RAP1GAP2: variants seen among roughly 807,000 people sequenced by gnomAD.
RAP1GAP2 encodes RAP1 GTPase activating protein 2, also known as rap1 GTPase-activating protein 2.
In RAP1GAP2, 27 loss-of-function variants were observed where a neutral mutation model predicts 95.0. That is an observed-to-expected ratio of 0.28 (90% CI 0.21 to 0.39). The LOEUF (loss-of-function observed/expected upper bound fraction) is 0.39. Among genes scored for constraint, RAP1GAP2 ranks in the 10% least tolerant of loss-of-function variants. The probability of loss-of-function intolerance (pLI) is 1.00; values close to 1 mark genes in which losing one functional copy is unlikely to be tolerated. For missense variants in RAP1GAP2, 771 were observed against 970.0 expected (o/e 0.79, Z 2.72); for synonymous variants, 373 against 380.9 (o/e 0.98, Z 0.24).
chr17:2,772,855 CTTT>C (rs773565092), upstream of RAP1GAP2, among the ~76,000 whole-genome samples: 1,447 of 126,036 alleles, frequency 0.011, 20 homozygotes, highest in African/African-American at 0.037. Flanking sequence ...TTCTTTCTTT[CTTT>C]TTTTTTTTTT....
intron 2 of RAP1GAP2, among the ~76,000 whole-genome samples, chr17:2,889,887 A>ATTTTTTTTTTTTT (rs1183050009): frequency 7.7e-5 from 3 of 38,754 alleles, no homozygotes; most frequent in Non-Finnish European, 1.1e-4. Flanking sequence ...ATATATATAT[A>ATTTTTTTTTTTTT]TATTTTTTTT....
At chr17:2,820,449 C>G (rs954300822) in intron 2 of RAP1GAP2, among the ~76,000 whole-genome samples, 1 of 151,952 alleles carries the variant, frequency 6.6e-6, no homozygotes, top group Admixed American at 6.6e-5. Flanking sequence ...GGCAAAACCC[C>G]GTCTCTACTA....
chr17:2,892,792 A>T (rs1395127201), intron 2 of RAP1GAP2, among the ~76,000 whole-genome samples: 2 of 152,176 alleles, frequency 1.3e-5, no homozygotes, highest in Non-Finnish European at 2.9e-5. Context: ...AGACTGAGTC[A>T]CAGGGCCAGC....
In RAP1GAP2 at chr17:3,032,573, A is replaced by G. The variant is rs1328067910; in HGVS notation, c.*30+124A>G. 1.3e-5 allele frequency: 12 copies of G among 941,804 alleles called. No homozygotes were observed. In the African/African-American group the frequency reaches 1.8e-4, roughly 14 times the overall value. 58.3% of individuals were successfully genotyped at this position (941,804 alleles called of 1,614,324 possible). ...GATGCCGCCAGCTGGGGATGTCCAA[A>G]GAGTCTCCTACTCGCCCCTGAAGAC... is the stretch of plus-strand genomic sequence containing the variant. On this transcript the variant is annotated intron_variant, in intron 24 of 24. Transcript: ENST00000254695.
chr17:2,813,307 C>T (rs1372723525), intron 2 of RAP1GAP2, among the ~76,000 whole-genome samples: 1 of 152,056 alleles, frequency 6.6e-6, no homozygotes, highest in African/African-American at 2.4e-5. Flanking sequence ...GAACTCCTGA[C>T]CTCGTGATCT....
chr17:2,768,887 G>C (rs531708491), intron 1 of RAP1GAP2, among the ~76,000 whole-genome samples: 1 of 151,018 alleles, frequency 6.6e-6, no homozygotes, highest in Non-Finnish European at 1.5e-5. Context: ...CTTGACTGCT[G>C]ACTCCTGACC....
rs2042053535 is a variant in RAP1GAP2, at chr17:2,902,380, C to A, written c.81-2904C>A. Among the ~76,000 whole-genome samples the A allele has an allele frequency of 6.6e-6, 1 of 152,178 alleles. No individual in the cohort carries two copies. The highest frequency in any genetic ancestry group is 2.4e-5 in the African/African-American group (1 of 41,446). ...GACAGGCACACGCCACCATGCCTGG[C>A]TAATTTTTGTATTTTTAGTAGAGAC... On this transcript the variant is annotated intron_variant, in intron 2 of 24. Transcript: ENST00000254695. This position sits in a 1 kb window ranked among gnomAD's most constrained non-coding sequence, Gnocchi z 4.1.
chr17:2,841,448 C>T (rs1359642045), intron 2 of RAP1GAP2, among the ~76,000 whole-genome samples: 3 of 151,498 alleles, frequency 2.0e-5, no homozygotes, highest in South Asian at 4.2e-4. Context: ...GGACTACAGG[C>T]GCCCGCCACC....
intron 23 of RAP1GAP2, among the ~76,000 whole-genome samples, chr17:3,032,157 C>T (rs143829463): frequency 8.5e-5 from 12 of 140,582 alleles, no homozygotes; most frequent in South Asian, 7.5e-4. Context: ...CCTGAGCTCT[C>T]CAGACTATCG....
At chr17:2,832,436 T>C (rs938060273) in intron 2 of RAP1GAP2, among the ~76,000 whole-genome samples, 2 of 148,884 alleles carry the variant, frequency 1.3e-5, no homozygotes, top group African/African-American at 2.5e-5. Context: ...CGGGCACCTG[T>C]AGTCCCAGCT....
At position 2,760,750 on chromosome 17, in the gene RAP1GAP2, G is replaced by T. The variant is rs143511372; in HGVS notation, c.50+4983G>T. On this transcript the variant is annotated intron_variant, in intron 1 of 25. Coordinates refer to the RAP1GAP2 transcript ENST00000637138. ...GCATTACGTTTAGTTCCTGTGCTTC[G>T]TTGAGCTCCTCTTAGCTGTGAAAGC... Among the ~76,000 whole-genome samples the T allele has an allele frequency of 3.1e-3, 470 of 151,840 alleles. 2 individuals are homozygous for T. Among genetic ancestry groups the T allele is most frequent in the African/African-American group, 0.01 (433 of 41,320 alleles).
intron 23 of RAP1GAP2, 34 bp downstream of exon 23, chr17:3,031,032 T>G (rs1277054644): frequency 6.5e-7 from 1 of 1,545,208 alleles, no homozygotes; most frequent in South Asian, 1.2e-5. Context: ...CACACTCCAC[T>G]TTCTGCAGAG....
chr17:2,949,089 TGGTGGGGACAGG>T (rs1443248026), intron 3 of RAP1GAP2, among the ~76,000 whole-genome samples: 1 of 151,946 alleles, frequency 6.6e-6, no homozygotes, highest in African/African-American at 2.4e-5. Context: ...TATCGGGAGG[TGGTGGGGACAGG>T]GGTGGAACTT....
In RAP1GAP2 at chr17:2,866,560, C is replaced by T. The variant is rs1299549821; in HGVS notation, c.81-38724C>T. On this transcript the variant is annotated intron_variant, in intron 2 of 24. Coordinates refer to ENST00000254695, the MANE Select transcript of RAP1GAP2 (RefSeq NM_015085.5). The surrounding 1 kb of genome is among the most constrained non-coding windows in gnomAD (Gnocchi z 4.0). ...TTGGTGAGGCAGTAGATAATACCCC[C>T]AAATGTCCCTTCTGATTGGTAATTT... Among the ~76,000 whole-genome samples, 1 of 152,200 alleles carries T rather than the reference C, an allele frequency of 6.6e-6. No homozygotes were observed. Among genetic ancestry groups the T allele is most frequent in the Non-Finnish European group, 1.5e-5 (1 of 68,032 alleles).
intron 1 of RAP1GAP2, among the ~76,000 whole-genome samples, chr17:2,756,179 G>A (rs910317829): frequency 6.6e-6 from 1 of 151,520 alleles, no homozygotes; most frequent in Admixed American, 6.6e-5. Flanking sequence ...CTGGACTTGG[G>A]CCCCGAGAAG....
chr17:2,982,858 A>G lies in RAP1GAP2; in HGVS notation c.729+1610A>G, dbSNP rs1203430887. Among the ~76,000 whole-genome samples, 7 of 152,214 alleles carry G rather than the reference A, an allele frequency of 4.6e-5. No homozygotes were observed. The East Asian group carries it at 9.7e-4, about 21-fold the overall frequency. On this transcript the variant is annotated intron_variant, in intron 10 of 24. Coordinates refer to ENST00000254695, the MANE Select transcript of RAP1GAP2 (RefSeq NM_015085.5). ...GCAGCTGTATTTTCATGTTTTCTGT[A>G]TCTGAAGGACCGCTGAGTCCGGCTG...
Position 2,964,081 on chromosome 17 carries a change from GAGAGGAGCTGCTGGGGGTTGGGGGC to G in RAP1GAP2, c.492+19_492+43del. 1 of 1,601,078 alleles carries G rather than the reference GAGAGGAGCTGCTGGGGGTTGGGGGC, an allele frequency of 6.2e-7. No homozygotes were observed. The highest frequency in any genetic ancestry group is 8.5e-7 in the Non-Finnish European group (1 of 1,172,994). ...CTTCCTGGGGAAGGTGAGGCTGGGG[GAGAGGAGCTGCTGGGGGTTGGGGGC>G]AGAGGCTGGGGACGCTGGGAGAGAG... On this transcript the variant is annotated intron_variant, in intron 7 of 24. Transcript: ENST00000254695.
intron 3 of RAP1GAP2, among the ~76,000 whole-genome samples, chr17:2,952,613 G>T (rs1183310530): frequency 6.6e-6 from 1 of 152,142 alleles, no homozygotes; most frequent in Non-Finnish European, 1.5e-5. Flanking sequence ...TGGCTGTACT[G>T]TTTCTCATTC....
At chr17:2,843,050 T>C (rs1367218593) in intron 2 of RAP1GAP2, among the ~76,000 whole-genome samples, 3 of 152,204 alleles carry the variant, frequency 2.0e-5, no homozygotes, top group Non-Finnish European at 2.9e-5. Flanking sequence ...CCGTGGAGTA[T>C]ACATTCCACC....
Sources: allele counts gnomAD v4.1 joint callset (sites outside exome capture counted in the v4.1 genomes callset), GRCh38; gene constraint gnomAD v4.1.1; non-coding constraint Gnocchi (gnomAD v3.1); transcripts MANE v1.5; gene names NCBI Gene and HGNC (gene_info 2026-07-23, HGNC 2026-07-21).